The following ARHGAP39 variants were observed in gnomAD, a reference collection of about 807,000 sequenced individuals.
The protein encoded by ARHGAP39 is Rho GTPase activating protein 39, also known as rho GTPase-activating protein 39.
In ARHGAP39, 44 loss-of-function variants were observed where a neutral mutation model predicts 106.9. That is an observed-to-expected ratio of 0.41 (90% CI 0.32 to 0.53). ARHGAP39 has a LOEUF of 0.53. ARHGAP39 is among the 20% of genes least tolerant of loss of function. ARHGAP39 has a pLI of 0.21. For missense variants in ARHGAP39, 1,496 were observed against 1,577.3 expected (o/e 0.95, Z 0.87); for synonymous variants, 768 against 693.2 (o/e 1.11, Z -1.69).
intron 1 of ARHGAP39, among the ~76,000 whole-genome samples, chr8:144,609,415 T>C (rs74429511): frequency 6.7e-6 from 1 of 148,886 alleles, no homozygotes; most frequent in South Asian, 2.1e-4. Flanking sequence ...TTTTTTTTTT[T>C]TTTTGAGACG....
At chr8:144,657,761 C>A (rs1177895383) in intron 1 of ARHGAP39, among the ~76,000 whole-genome samples, 2 of 152,144 alleles carry the variant, frequency 1.3e-5, no homozygotes, top group South Asian at 2.1e-4. Context: ...GCAAAACAGG[C>A]AAAAGAAGCA....
At chr8:144,580,407 C>A (rs1563684858) in intron 3 of ARHGAP39, among the ~76,000 whole-genome samples, 2 of 152,216 alleles carry the variant, frequency 1.3e-5, no homozygotes, top group African/African-American at 4.8e-5. Context: ...GGGGCTGGGC[C>A]AGTGAGGGGC....
intron 1 of ARHGAP39, among the ~76,000 whole-genome samples, chr8:144,614,486 G>A (rs774526420): frequency 2.0e-5 from 3 of 152,072 alleles, no homozygotes; most frequent in Non-Finnish European, 4.4e-5. Flanking sequence ...CCAAGTAGCT[G>A]GGATTACAGG....
At chr8:144,676,538 GAC>G (rs1395243173) in intron 1 of ARHGAP39, among the ~76,000 whole-genome samples, 1 of 152,192 alleles carries the variant, frequency 6.6e-6, no homozygotes, top group Non-Finnish European at 1.5e-5. Flanking sequence ...CCTTTAGCTA[GAC>G]ACAGACTGCT....
intron 2 of ARHGAP39, among the ~76,000 whole-genome samples, chr8:144,588,278 C>T (rs1453709794): frequency 6.6e-6 from 1 of 152,244 alleles, no homozygotes; most frequent in Non-Finnish European, 1.5e-5. Context: ...CGTGAGGGAA[C>T]CAGGCAGGGG....
At chr8:144,561,522 T>C (rs1324371312) in intron 3 of ARHGAP39, among the ~76,000 whole-genome samples, 1 of 151,318 alleles carries the variant, frequency 6.6e-6, no homozygotes, top group Non-Finnish European at 1.5e-5. Context: ...GTGGTTTCCA[T>C]CAGACCCCAG....
chr8:144,605,964 A>C (rs1820275795), intron 1 of ARHGAP39: 3 of 320,948 alleles, frequency 9.3e-6, no homozygotes, highest in Non-Finnish European at 1.2e-5. Context: ...CACCAGCCCC[A>C]CTCCACGATG....
chr8:144,540,509 A>G (rs1817145815), intron 6 of ARHGAP39, among the ~76,000 whole-genome samples: 1 of 152,250 alleles, frequency 6.6e-6, no homozygotes, highest in African/African-American at 2.4e-5. Flanking sequence ...GCTAGTATAT[A>G]GAAATATGAG....
At chr8:144,677,399 A>C (rs1382903749) in intron 1 of ARHGAP39, among the ~76,000 whole-genome samples, 1 of 152,280 alleles carries the variant, frequency 6.6e-6, no homozygotes, top group Non-Finnish European at 1.5e-5. Flanking sequence ...AAGGAAGTGC[A>C]GAAATAAAGA....
At chr8:144,572,496 AC>A (rs1818621402) in intron 3 of ARHGAP39, among the ~76,000 whole-genome samples, 1 of 152,246 alleles carries the variant, frequency 6.6e-6, no homozygotes, top group Admixed American at 6.5e-5. Context: ...TTAAAGACTT[AC>A]ATATTAGACC....
Position 144,555,636 on chromosome 8 carries a change from G to C in ARHGAP39, c.520C>G (p.Pro174Ala), listed in dbSNP as rs1242369349. Residue 174 changes from proline to alanine, a missense_variant, in exon 4 of 12, where the codon CCA (proline) becomes GCA (alanine). This residue lies in a region of ARHGAP39 where 905 missense variants were observed against 816.4 expected (regional missense o/e 1.11). Transcript: ENST00000377307. ...TCCTTCTCAAGGAACACTCCTGGTG[G>C]TGAAGAGCTGAAACACAGTAAAATG... ...TVKEDSGSSS[P>A]PGVFLEKDYE... 20 of 1,613,364 alleles carry C rather than the reference G, an allele frequency of 1.2e-5. No individual in the cohort carries two copies. Among genetic ancestry groups the C allele is most frequent in the Non-Finnish European group, 1.7e-5 (20 of 1,179,730 alleles).
At chr8:144,539,891 T>C (rs914785881) in intron 6 of ARHGAP39, among the ~76,000 whole-genome samples, 2 of 152,246 alleles carry the variant, frequency 1.3e-5, no homozygotes, top group Non-Finnish European at 2.9e-5. Context: ...GTAGTTCCTA[T>C]GCATTTTAGA....
At position 144,679,283 on chromosome 8, in the gene ARHGAP39, C is replaced by T. The variant is rs1822326482; in HGVS notation, c.-82+6403G>A. Among the ~76,000 whole-genome samples the T allele has an allele frequency of 6.6e-6, 1 of 152,220 alleles. No individual in the cohort carries two copies. The highest frequency in any genetic ancestry group is 6.5e-5 in the Admixed American group (1 of 15,282). ...CAGCGTCCGAGCAGGGGCTCACCTT[C>T]CCCATAGGAGGCTGTACGTCACACC... On this transcript the variant is annotated intron_variant, in intron 1 of 11. Transcript: ENST00000377307. This position sits in a 1 kb window ranked among gnomAD's most constrained non-coding sequence, Gnocchi z 4.7.
At chr8:144,565,035 G>A (rs995731947) in intron 3 of ARHGAP39, among the ~76,000 whole-genome samples, 5 of 151,616 alleles carry the variant, frequency 3.3e-5, no homozygotes, top group Non-Finnish European at 5.9e-5. Context: ...GCTTGAACCC[G>A]GGAGGCAGAG....
chr8:144,589,633 G>T (rs1462652017), intron 2 of ARHGAP39, among the ~76,000 whole-genome samples: 1 of 152,244 alleles, frequency 6.6e-6, no homozygotes. Context: ...TCCGGGAGGG[G>T]CTAGTGTGCA....
intron 10 of ARHGAP39, among the ~76,000 whole-genome samples, chr8:144,531,261 T>C (rs1255132314): frequency 1.4e-5 from 1 of 72,844 alleles, no homozygotes; most frequent in Non-Finnish European, 2.8e-5. Flanking sequence ...GAGCAGCAGG[T>C]GGGGAGTGGG....
chr8:144,583,346 G>A (rs909777392), intron 2 of ARHGAP39, among the ~76,000 whole-genome samples: 8 of 152,200 alleles, frequency 5.3e-5, no homozygotes, highest in Admixed American at 1.3e-4. Flanking sequence ...CAGATTCACC[G>A]CGTGTCACCT....
At chr8:144,558,686 T>C (rs1818033922) in intron 3 of ARHGAP39, among the ~76,000 whole-genome samples, 1 of 152,170 alleles carries the variant, frequency 6.6e-6, no homozygotes, top group Non-Finnish European at 1.5e-5. Context: ...GAATGTTCAG[T>C]ATGTTCACCC....
At chr8:144,531,472 AGGGC>A (rs1816724516) in intron 10 of ARHGAP39, among the ~76,000 whole-genome samples, 1 of 2,906 alleles carries the variant, frequency 3.4e-4, no homozygotes, top group Non-Finnish European at 5.8e-4. Flanking sequence ...GCACGGCAGA[AGGGC>A]ACAGGGCAGC....
Sources: gnomAD v4.1 joint callset for allele counts (sites outside exome capture counted in the v4.1 genomes callset) on GRCh38, gnomAD v4.1.1 for gene constraint, gnomAD v4.1.1 regional missense constraint, Gnocchi (gnomAD v3.1) non-coding constraint, MANE v1.5 for transcripts, NCBI Gene and HGNC (gene_info 2026-07-23, HGNC 2026-07-21) for gene names.